Variants in XIRP2 observed in about 807,000 individuals in gnomAD.
XIRP2 encodes the protein xin actin binding repeat containing 2.
Under a neutral mutation model 277.0 loss-of-function variants are expected in XIRP2, and 236 were observed. The ratio of observed to expected loss-of-function variants is 0.85; its 90% CI spans 0.77 to 0.95. The LOEUF is 0.95. Among genes scored for constraint, XIRP2 ranks in the 40% least tolerant of loss-of-function variants. The pLI is 0.00. For missense variants in XIRP2, 4,640 were observed against 4,157.5 expected (o/e 1.12, Z -3.19); for synonymous variants, 1,490 against 1,416.5 (o/e 1.05, Z -1.17).
chr2:167,004,503 C>T (rs1687454985), intron 2 of XIRP2, among the ~76,000 whole-genome samples: 1 of 151,762 alleles, frequency 6.6e-6, no homozygotes, highest in Non-Finnish European at 1.5e-5. Flanking sequence ...GGTACCAGAC[C>T]ATACATTGAA....
At chr2:166,919,384 G>A (rs546656037) in intron 2 of XIRP2, among the ~76,000 whole-genome samples, 4 of 152,098 alleles carry the variant, frequency 2.6e-5, no homozygotes, top group Non-Finnish European at 4.4e-5. Flanking sequence ...TGTTTTATGC[G>A]AATGTAAGTC....
rs751123658 is a variant in XIRP2, at chr2:167,249,356, T to A, written c.7964T>A (p.Met2655Lys). The change falls in exon 9 of 11, where the codon ATG becomes AAG. Residue 2655 changes from methionine to lysine, a missense_variant. By Grantham distance (95) the Met-to-Lys change is moderately conservative. Transcript: ENST00000409195. ...GCAGCTTCAGAAGACAAAGATAAGA[T>A]GAAAAAGGAAGTTTTACAAAGCTCA... is the stretch of plus-strand genomic sequence containing the variant. Reference protein sequence around the residue: ...VLAASEDKDKMKKEVLQSSRD... With the variant: ...VLAASEDKDKKKKEVLQSSRD... 2 of 1,613,566 alleles carry A rather than the reference T, an allele frequency of 1.2e-6. No individual in the cohort carries two copies. Among genetic ancestry groups the A allele is most frequent in the African/African-American group, 2.7e-5 (2 of 74,858 alleles).
intron 4 of XIRP2, among the ~76,000 whole-genome samples, chr2:167,215,717 A>G (rs1694227051): frequency 6.6e-6 from 1 of 152,078 alleles, no homozygotes; most frequent in Admixed American, 6.5e-5. Context: ...TTCCAGTTGC[A>G]AGCAGACCTA....
intron 2 of XIRP2, among the ~76,000 whole-genome samples, chr2:167,044,563 T>G (rs2105524956): frequency 6.6e-6 from 1 of 152,184 alleles, no homozygotes; most frequent in Middle Eastern, 3.4e-3. Context: ...ACTGATAAAC[T>G]TCAGTAAACT....
At position 167,243,081 on chromosome 2, in the gene XIRP2, C is replaced by T. The variant is rs751226496; in HGVS notation, c.1689C>T (p.Tyr563=). 6.2e-7 allele frequency: 1 copy of T among 1,613,902 alleles called. No individual in the cohort carries two copies. Among genetic ancestry groups the T allele is most frequent in the Non-Finnish European group, 8.5e-7 (1 of 1,179,976 alleles). The change falls in exon 9 of 11, where the codon TAC becomes TAT. Residue 563 remains tyrosine, a synonymous_variant. Transcript: ENST00000409195. ...SQKDLNSERE[Y]LEWDEILKGE... is the part of the protein sequence containing the mutation. ...AAGATCTGAACTCAGAAAGAGAATA[C>T]TTGGAATGGGATGAAATTCTGAAGG...
At chr2:166,948,006 A>G (rs930146672) in intron 2 of XIRP2, among the ~76,000 whole-genome samples, 1 of 152,142 alleles carries the variant, frequency 6.6e-6, no homozygotes, top group African/African-American at 2.4e-5. Flanking sequence ...GACATTCTGG[A>G]AAGAGCAAAA....
intron 3 of XIRP2, among the ~76,000 whole-genome samples, chr2:167,145,771 G>A (rs1691847614): frequency 6.6e-6 from 1 of 152,098 alleles, no homozygotes; most frequent in Non-Finnish European, 1.5e-5. Context: ...ATTAACTTAA[G>A]GCTGTTGTAG....
In XIRP2 at chr2:167,249,459, G is replaced by A. The variant is rs975450409; in HGVS notation, c.8067G>A (p.Gln2689=). Residue 2689 remains glutamine, a synonymous_variant, in exon 9 of 11, where the codon CAG becomes CAA. Transcript: ENST00000409195. ...HQECSTQQTQ[Q]KKYLEQLHLP... is the part of the protein sequence containing the mutation. ...AATGTAGTACCCAACAAACACAACA[G>A]AAGAAGTATTTGGAGCAGTTGCACT... The A allele has an allele frequency of 6.2e-7, 1 of 1,613,764 alleles. No individual in the cohort carries two copies. Among genetic ancestry groups the A allele is most frequent in the Non-Finnish European group, 8.5e-7 (1 of 1,179,800 alleles).
chr2:167,194,659 C>T (rs1693448178), intron 3 of XIRP2, among the ~76,000 whole-genome samples: 1 of 152,076 alleles, frequency 6.6e-6, no homozygotes, highest in African/African-American at 2.4e-5. Context: ...GTCAGGTTAA[C>T]TCTAACTGGT....
At chr2:167,217,402 T>C (rs1410557205) in intron 4 of XIRP2, among the ~76,000 whole-genome samples, 1 of 152,126 alleles carries the variant, frequency 6.6e-6, no homozygotes, top group Non-Finnish European at 1.5e-5. Context: ...AGCTGATGCC[T>C]GGGGTGTGCT....
intron 3 of XIRP2, among the ~76,000 whole-genome samples, chr2:167,144,025 T>G (rs913710198): frequency 3.3e-5 from 5 of 152,074 alleles, no homozygotes; most frequent in Non-Finnish European, 5.9e-5. Context: ...ATATTAGAAA[T>G]ACTTCACTAT....
At chr2:167,012,111 T>G (rs1687696159) in intron 2 of XIRP2, among the ~76,000 whole-genome samples, 2 of 151,982 alleles carry the variant, frequency 1.3e-5, no homozygotes, top group African/African-American at 2.4e-5. Context: ...AGTTTTTGAA[T>G]GTGTTTGCTC....
At chr2:167,081,660 A>G (rs1171524270) in intron 2 of XIRP2, among the ~76,000 whole-genome samples, 4 of 152,216 alleles carry the variant, frequency 2.6e-5, no homozygotes, top group Non-Finnish European at 5.9e-5. Context: ...GAGATCTTTA[A>G]TTACTGGTCC....
chr2:167,226,697 A>G (rs1381953044), intron 5 of XIRP2, among the ~76,000 whole-genome samples: 2 of 151,544 alleles, frequency 1.3e-5, no homozygotes, highest in Non-Finnish European at 2.9e-5. Flanking sequence ...CCCTACTCCC[A>G]CTCTACCCAG....
chr2:167,052,039 A>G (rs2105536515), intron 2 of XIRP2, among the ~76,000 whole-genome samples: 1 of 152,230 alleles, frequency 6.6e-6, no homozygotes, highest in East Asian at 1.9e-4. Flanking sequence ...ATTGAAAACT[A>G]GAGTGACTAC....
chr2:167,000,330 TC>T (rs1350165381), intron 2 of XIRP2, among the ~76,000 whole-genome samples: 1 of 152,128 alleles, frequency 6.6e-6, no homozygotes, highest in Non-Finnish European at 1.5e-5. Context: ...ACTTTTAATT[TC>T]TTTTTTGCTT....
rs184576686 is a variant in XIRP2, at chr2:166,968,095, T to C, written c.408+64205T>C. ...TTCTAGAATTTCAAGAAGTTTATGC[T>C]AGCTAAACATATAGAAGAAGGTATC... On this transcript the variant is annotated intron_variant, in intron 2 of 10. Transcript: ENST00000409195. 2.0e-5 allele frequency among the ~76,000 whole-genome samples: 3 copies of C among 152,080 alleles called. No individual in the cohort carries two copies. In the East Asian group the frequency reaches 5.8e-4, roughly 30 times the overall value.
intron 3 of XIRP2, among the ~76,000 whole-genome samples, chr2:167,177,646 A>T (rs73025719): frequency 0.099 from 15,041 of 152,174 alleles, 798 homozygotes; most frequent in South Asian, 0.15. Context: ...GCTTTGCCTC[A>T]CTCCAAATTA....
chr2:167,146,158 A>G (rs947441036), intron 3 of XIRP2, among the ~76,000 whole-genome samples: 6 of 152,178 alleles, frequency 3.9e-5, no homozygotes, highest in Middle Eastern at 3.4e-3. Context: ...AACTAATTGT[A>G]TATTGCTGAA....
Sources: allele counts gnomAD v4.1 joint callset (sites outside exome capture counted in the v4.1 genomes callset), GRCh38; gene constraint gnomAD v4.1.1; transcripts MANE v1.5; gene names NCBI Gene and HGNC (gene_info 2026-07-23, HGNC 2026-07-21).